TENM2: variants seen among roughly 807,000 people sequenced by gnomAD.
The protein encoded by TENM2 is teneurin-2.
Under a neutral mutation model 245.2 loss-of-function variants are expected in TENM2, and 52 were observed. The observed-to-expected ratio is 0.21, with a 90% CI of 0.17 to 0.27. TENM2 has a LOEUF of 0.27. Ranked by LOEUF, TENM2 falls within the 10% of genes least tolerant of loss-of-function variation. The pLI is 1.00. For synonymous variants in TENM2, 1,363 were observed against 1,438.9 expected (o/e 0.95, Z 1.19); for missense variants, 3,046 against 3,666.8 (o/e 0.83, Z 4.37).
At chr5:167,439,250 G>T (rs963780878) in intron 2 of TENM2, among the ~76,000 whole-genome samples, 2 of 152,168 alleles carry the variant, frequency 1.3e-5, no homozygotes, top group African/African-American at 2.4e-5. Flanking sequence ...ATGATTAGAA[G>T]CTTTAAAGTC....
chr5:167,284,594 T>A (rs1328777741), upstream of TENM2, among the ~76,000 whole-genome samples: 1 of 152,210 alleles, frequency 6.6e-6, no homozygotes, highest in Non-Finnish European at 1.5e-5. Flanking sequence ...TGTATCGAGT[T>A]CTTCTATTTA....
intron 2 of TENM2, among the ~76,000 whole-genome samples, chr5:167,398,377 C>CTTTCTTTCTTT: frequency 7.3e-6 from 1 of 137,136 alleles, no homozygotes; most frequent in East Asian, 2.1e-4. Context: ...TTTCTTTCTT[C>CTTTCTTTCTTT]CTTTCTTTCT....
At chr5:167,974,027 G>GGGAGGA (rs1782038511) in intron 4 of TENM2, among the ~76,000 whole-genome samples, 2 of 74,854 alleles carry the variant, frequency 2.7e-5, no homozygotes, top group Non-Finnish European at 2.2e-5. Context: ...GAGGGAGGAA[G>GGGAGGA]GAAGGAAGGA....
the TENM2 span, among the ~76,000 whole-genome samples, chr5:167,086,256 A>C: frequency 6.6e-6 from 1 of 152,134 alleles, no homozygotes; most frequent in Admixed American, 6.5e-5. Flanking sequence ...CTCGCTTTCT[A>C]TGTGACCTTC....
At chr5:167,248,808 GTA>G in the TENM2 span, among the ~76,000 whole-genome samples, 132,745 of 150,840 alleles carry the variant, frequency 0.88, 58,908 homozygotes, top group Middle Eastern at 0.94. Context: ...GCGTGTGTGT[GTA>G]TATATATATA....
chr5:167,053,686 C>T, the TENM2 span, among the ~76,000 whole-genome samples: 4 of 152,138 alleles, frequency 2.6e-5, no homozygotes, highest in Admixed American at 1.3e-4. Context: ...GCCAGGGCAA[C>T]ATAATGAGAT....
the TENM2 span, among the ~76,000 whole-genome samples, chr5:167,068,148 C>T: frequency 2.6e-5 from 4 of 152,098 alleles, no homozygotes; most frequent in Non-Finnish European, 5.9e-5. Context: ...ACAGCATCAC[C>T]GTTCTTAAGT....
the TENM2 span, among the ~76,000 whole-genome samples, chr5:167,026,561 T>C: frequency 1.3e-5 from 2 of 152,216 alleles, no homozygotes; most frequent in African/African-American, 4.8e-5. Context: ...CCACCACTTC[T>C]GATCCGTTTC....
At chr5:167,195,992 C>T in the TENM2 span, among the ~76,000 whole-genome samples, 3 of 151,942 alleles carry the variant, frequency 2.0e-5, no homozygotes, top group African/African-American at 4.8e-5. Flanking sequence ...TACCATCACT[C>T]GTTGTTTAAT....
chr5:167,850,864 G>T (rs913463334), intron 2 of TENM2, among the ~76,000 whole-genome samples: 1 of 152,140 alleles, frequency 6.6e-6, no homozygotes, highest in African/African-American at 2.4e-5. Flanking sequence ...TGTAGTGCTG[G>T]ATTCAGGGAT....
intron 4 of TENM2, among the ~76,000 whole-genome samples, chr5:167,962,596 G>A (rs140547812): frequency 2.4e-3 from 368 of 152,284 alleles, no homozygotes; most frequent in African/African-American, 8.5e-3. Flanking sequence ...GTAATTTATA[G>A]AGGAAACAGA....
the TENM2 span, among the ~76,000 whole-genome samples, chr5:167,242,828 A>G: frequency 1.1e-3 from 160 of 152,304 alleles, no homozygotes; most frequent in African/African-American, 3.7e-3. Flanking sequence ...CAGACTTTCA[A>G]CTGCATGGGG....
At chr5:167,171,132 T>C in the TENM2 span, among the ~76,000 whole-genome samples, 5 of 152,330 alleles carry the variant, frequency 3.3e-5, no homozygotes, top group East Asian at 9.7e-4. Context: ...CCTTTGGCTC[T>C]GTTCCAGCCA....
intron 5 of TENM2, among the ~76,000 whole-genome samples, chr5:168,004,529 A>G (rs1040968764): frequency 8.6e-5 from 13 of 151,240 alleles, no homozygotes; most frequent in East Asian, 1.9e-4. Context: ...ACACACACAC[A>G]CACACACACA....
intron 2 of TENM2, among the ~76,000 whole-genome samples, chr5:167,774,540 T>G (rs1763629299): frequency 6.6e-6 from 1 of 152,178 alleles, no homozygotes; most frequent in African/African-American, 2.4e-5. Context: ...GGAGAGTCTT[T>G]CTTATAGTCA....
At chr5:167,685,428 T>C (rs1757008935) in intron 2 of TENM2, among the ~76,000 whole-genome samples, 1 of 152,184 alleles carries the variant, frequency 6.6e-6, no homozygotes, top group African/African-American at 2.4e-5. Flanking sequence ...TCCTCAGCCT[T>C]CCTCGGCCTT....
chr5:167,862,886 T>A (rs1185057085), intron 2 of TENM2, among the ~76,000 whole-genome samples: 2 of 152,218 alleles, frequency 1.3e-5, no homozygotes, highest in Admixed American at 1.3e-4. Context: ...CATTCAAAGC[T>A]GAAGAAGAGA....
At chr5:167,188,375 C>A in the TENM2 span, among the ~76,000 whole-genome samples, 269 of 152,240 alleles carry the variant, frequency 1.8e-3, no homozygotes, top group African/African-American at 5.8e-3. Flanking sequence ...GATGAGATAG[C>A]ACTTCTTTTT....
chr5:167,901,429 T>C (rs1775696886), intron 3 of TENM2, among the ~76,000 whole-genome samples: 2 of 152,234 alleles, frequency 1.3e-5, no homozygotes, highest in South Asian at 4.1e-4. Context: ...GACACTTCTA[T>C]CATATGGAAA....
Sources: gnomAD v4.1 joint callset for allele counts (sites outside exome capture counted in the v4.1 genomes callset) on GRCh38, gnomAD v4.1.1 for gene constraint, MANE v1.5 for transcripts, NCBI Gene and HGNC (gene_info 2026-07-23, HGNC 2026-07-21) for gene names.